MRTFB: variants seen among roughly 807,000 people sequenced by gnomAD.
MRTFB encodes the protein myocardin-related transcription factor B.
MRTFB carries 29 observed loss-of-function variants against 104.2 expected under a neutral mutation model. That is an observed-to-expected ratio of 0.28 (90% confidence interval 0.21 to 0.38). The LOEUF is 0.38. Ranked by LOEUF, MRTFB falls within the 10% of genes least tolerant of loss-of-function variation. The probability of loss-of-function intolerance (pLI) is 1.00; values close to 1 mark genes in which losing one functional copy is unlikely to be tolerated. For synonymous variants in MRTFB, 535 were observed against 519.5 expected (o/e 1.03, Z -0.41); for missense variants, 1,270 against 1,341.6 (o/e 0.95, Z 0.83).
chr16:14,235,201 C>T (rs923562796), intron 9 of MRTFB, among the ~76,000 whole-genome samples: 18 of 152,152 alleles, frequency 1.2e-4, no homozygotes, highest in South Asian at 8.3e-4. Flanking sequence ...CCTAAGTCGC[C>T]GGGACTGTCC....
the MRTFB span, among the ~76,000 whole-genome samples, chr16:14,050,739 T>C: frequency 2.0e-5 from 3 of 152,134 alleles, no homozygotes; most frequent in South Asian, 6.3e-4. Flanking sequence ...AAATAACTAG[T>C]TTTCAGACTC....
At chr16:14,203,585 T>C (rs996665849) in intron 3 of MRTFB, among the ~76,000 whole-genome samples, 2 of 152,094 alleles carry the variant, frequency 1.3e-5, no homozygotes, top group Non-Finnish European at 2.9e-5. Flanking sequence ...ATGGAACACT[T>C]GAGGCCAGGA....
intron 2 of MRTFB, among the ~76,000 whole-genome samples, chr16:14,113,397 A>G (rs1596895836): frequency 6.6e-6 from 1 of 152,260 alleles, no homozygotes; most frequent in African/African-American, 2.4e-5. Context: ...GAAATTGCCA[A>G]ATAGCAGATG....
upstream of MRTFB, chr16:14,071,220 G>A (rs1172571756): frequency 6.5e-6 from 1 of 153,326 alleles, no homozygotes; most frequent in African/African-American, 2.4e-5. Flanking sequence ...CCTTGAGGCG[G>A]GGTGGGCAGC....
chr16:14,156,108 C>G (rs995170817), intron 3 of MRTFB, among the ~76,000 whole-genome samples: 5 of 152,174 alleles, frequency 3.3e-5, no homozygotes, highest in African/African-American at 1.2e-4. Context: ...CATTTGTTTC[C>G]CTCCTCTCAG....
intron 16 of MRTFB, among the ~76,000 whole-genome samples, chr16:14,258,978 A>G (rs1242506326): frequency 1.3e-5 from 2 of 152,190 alleles, no homozygotes; most frequent in Non-Finnish European, 2.9e-5. Flanking sequence ...ACCCTGATGA[A>G]AGGAGTTTTA....
intron 3 of MRTFB, among the ~76,000 whole-genome samples, chr16:14,148,147 TATAC>T (rs2038416307): frequency 6.6e-6 from 1 of 152,208 alleles, no homozygotes; most frequent in Non-Finnish European, 1.5e-5. Context: ...TGAAAGATAA[TATAC>T]ATAATATAAA....
intron 2 of MRTFB, among the ~76,000 whole-genome samples, chr16:14,102,347 C>T (rs549245043): frequency 2.6e-5 from 4 of 152,262 alleles, no homozygotes; most frequent in South Asian, 4.1e-4. Context: ...CTCTTAATCA[C>T]GGGCTTAACG....
intron 2 of MRTFB, among the ~76,000 whole-genome samples, chr16:14,112,633 A>G (rs760862841): frequency 5.3e-5 from 8 of 152,176 alleles, no homozygotes; most frequent in South Asian, 2.1e-4. Context: ...TTTCATTTCT[A>G]TCTGTCCAGG....
chr16:14,025,226 G>A, the MRTFB span, among the ~76,000 whole-genome samples: 2 of 152,156 alleles, frequency 1.3e-5, no homozygotes, highest in Non-Finnish European at 2.9e-5. Flanking sequence ...TGCCTCCCAG[G>A]CTGAAGTGCC....
the MRTFB span, among the ~76,000 whole-genome samples, chr16:14,060,307 G>A: frequency 1.3e-5 from 2 of 152,018 alleles, no homozygotes; most frequent in East Asian, 1.9e-4. Context: ...ATGCCCGACT[G>A]AGACACATAA....
intron 2 of MRTFB, among the ~76,000 whole-genome samples, chr16:14,139,955 T>G (rs2037911876): frequency 6.6e-6 from 1 of 152,248 alleles, no homozygotes; most frequent in Non-Finnish European, 1.5e-5. Flanking sequence ...TGTTGCTGAT[T>G]TCCATATCAG....
chr16:14,205,261 A>G (rs1322275660), intron 3 of MRTFB, among the ~76,000 whole-genome samples: 4 of 152,170 alleles, frequency 2.6e-5, no homozygotes. Flanking sequence ...CATGTGTGAA[A>G]AGATTTTTTT....
At chr16:14,105,573 A>T (rs879595550) in intron 2 of MRTFB, among the ~76,000 whole-genome samples, 3 of 151,864 alleles carry the variant, frequency 2.0e-5, no homozygotes, top group South Asian at 2.1e-4. Context: ...AATTTTTAAA[A>T]TTTTTTGTAA....
At chr16:14,131,986 C>T (rs2037464206) in intron 2 of MRTFB, among the ~76,000 whole-genome samples, 1 of 152,124 alleles carries the variant, frequency 6.6e-6, no homozygotes, top group South Asian at 2.1e-4. Flanking sequence ...GAACTCATTC[C>T]ATAGCAACAT....
chr16:14,186,706 G>C, intron 3 of MRTFB: 1 of 1,385,798 alleles, frequency 7.2e-7, no homozygotes, highest in Non-Finnish European at 9.3e-7. Flanking sequence ...AGGGCTTCCA[G>C]CGGCATGAGT....
intron 3 of MRTFB, among the ~76,000 whole-genome samples, chr16:14,173,505 A>C (rs1597149985): frequency 6.6e-6 from 1 of 152,168 alleles, no homozygotes. Context: ...TTATTTGTGT[A>C]TCTGAAGGCT....
chr16:14,000,685 G>A, the MRTFB span, among the ~76,000 whole-genome samples: 12 of 152,306 alleles, frequency 7.9e-5, no homozygotes, highest in East Asian at 1.9e-4. Context: ...TGGGGGTGGC[G>A]TTCACATCAC....
chr16:14,032,932 C>T, the MRTFB span, among the ~76,000 whole-genome samples: 12 of 152,034 alleles, frequency 7.9e-5, no homozygotes, highest in Admixed American at 6.6e-5. Flanking sequence ...AGCAATCCTC[C>T]CACCTCAGCC....
Sources: gnomAD v4.1 joint callset for allele counts (sites outside exome capture counted in the v4.1 genomes callset) on GRCh38, gnomAD v4.1.1 for gene constraint, MANE v1.5 for transcripts, NCBI Gene and HGNC (gene_info 2026-07-23, HGNC 2026-07-21) for gene names.